BMP2K: variants seen among roughly 807,000 people sequenced by gnomAD.
BMP2K encodes the protein BMP2 inducible kinase.
Under a neutral mutation model 116.0 loss-of-function variants are expected in BMP2K, and 74 were observed. The observed-to-expected ratio is 0.64, with a 90% CI of 0.53 to 0.77. The LOEUF (loss-of-function observed/expected upper bound fraction) is 0.77, where lower values mean the gene tolerates loss of function less well. Ranked by LOEUF, BMP2K falls within the 30% of genes least tolerant of loss-of-function variation. BMP2K has a pLI of 0.00. For missense variants in BMP2K, 1,365 were observed against 1,403.6 expected, an observed-to-expected ratio of 0.97 and a Z score of 0.44; for synonymous variants, 486 against 502.5, an observed-to-expected ratio of 0.97 and a Z score of 0.44.
intron 4 of BMP2K, among the ~76,000 whole-genome samples, chr4:78,843,781 G>T (rs1028453580): frequency 6.6e-6 from 1 of 151,040 alleles, no homozygotes; most frequent in African/African-American, 2.4e-5. Flanking sequence ...ACCATTTTTT[G>T]TGCTATTATA....
At chr4:78,910,584 G>C (rs1196390942) in intron 15 of BMP2K, 26 bp from the exon 16 acceptor site, 1 of 1,462,220 alleles carries the variant, frequency 6.8e-7, no homozygotes, top group African/African-American at 1.4e-5. Context: ...TTGGAATGCT[G>C]TAATAATATT....
At position 78,911,467 on chromosome 4, in the gene BMP2K, A is replaced by G. The variant is rs774071647; in HGVS notation, c.2920A>G (p.Ser974Gly). The part of the protein sequence containing the change: ...GSQQQKVKQR[S>G]LQKLSSRQRR... ...CCAGCAGCAAAAAGTCAAACAGCGC[A>G]GCTTACAGAAACTGTCCTCTCGCCA... The change falls in exon 16 of 16, where the codon AGC becomes GGC. Residue 974 changes from serine to glycine, a missense_variant. Coordinates refer to ENST00000502613, the MANE Select transcript of BMP2K (RefSeq NM_198892.2). 6.2e-7 allele frequency: 1 copy of G among 1,614,060 alleles called. No homozygotes were observed. Among genetic ancestry groups the G allele is most frequent in the East Asian group, 2.2e-5 (1 of 44,882 alleles).
chr4:78,886,597 T>G (rs2110074007), intron 14 of BMP2K, among the ~76,000 whole-genome samples: 1 of 152,262 alleles, frequency 6.6e-6, no homozygotes, highest in South Asian at 2.1e-4. Flanking sequence ...ACTTGTTGAA[T>G]GAATCAATAA....
In BMP2K at chr4:78,842,392, G is replaced by A. The variant is rs1730802379; in HGVS notation, c.411G>A (p.Gln137=). The A allele has an allele frequency of 6.3e-7, 1 of 1,594,140 alleles. No homozygotes were observed. Among genetic ancestry groups the A allele is most frequent in the African/African-American group, 1.3e-5 (1 of 74,776 alleles). The part of the protein sequence containing the change: ...LILMEYCRAG[Q]VVNQMNKKLQ... Reference sequence around the variant, plus strand: ...AATTACTTTTTTGGTTAGCTGGACAGGTAGTGAATCAAATGAATAAGAAGC... The same window carrying A: ...AATTACTTTTTTGGTTAGCTGGACAAGTAGTGAATCAAATGAATAAGAAGC... The change falls in exon 4 of 16, where the codon CAG becomes CAA. Residue 137 remains glutamine, a synonymous_variant. Coordinates refer to ENST00000502613, the MANE Select transcript of BMP2K (RefSeq NM_198892.2).
At chr4:78,814,590 G>T (rs1366649730) in intron 1 of BMP2K, among the ~76,000 whole-genome samples, 1 of 151,992 alleles carries the variant, frequency 6.6e-6, no homozygotes, top group Admixed American at 6.6e-5. Flanking sequence ...ACTTCTGCTT[G>T]CTGCTGCCAT....
At chr4:78,852,447 C>A (rs1294381841) in intron 7 of BMP2K, among the ~76,000 whole-genome samples, 1 of 151,950 alleles carries the variant, frequency 6.6e-6, no homozygotes, top group Admixed American at 6.6e-5. Flanking sequence ...TTACAATATT[C>A]CTAGTATTTT....
At chr4:78,902,795 G>T (rs554362472) in intron 15 of BMP2K, among the ~76,000 whole-genome samples, 1 of 152,190 alleles carries the variant, frequency 6.6e-6, no homozygotes, top group African/African-American at 2.4e-5. Context: ...AATATGCATA[G>T]TATGATGCAA....
intron 13 of BMP2K, among the ~76,000 whole-genome samples, chr4:78,876,115 C>G (rs539268470): frequency 6.6e-6 from 1 of 152,308 alleles, no homozygotes; most frequent in Admixed American, 6.5e-5. Context: ...GAGTTACAGT[C>G]TGCCAATAGG....
chr4:78,868,921 T>G (rs111619566), intron 10 of BMP2K, among the ~76,000 whole-genome samples: 15,334 of 152,120 alleles, frequency 0.1, 2,521 homozygotes, highest in African/African-American at 0.35. Flanking sequence ...TATCAGCAGC[T>G]TTTTCAGGCG....
Position 78,826,240 on chromosome 4 carries a change from C to T in BMP2K, c.297+85C>T, listed in dbSNP as rs189289054. ...TGGGATGGAGTGCAGTGGAGTGGCA[C>T]GCCCAGGCTGGAGCGCAGTGGCGTG... is the stretch of plus-strand genomic sequence containing the variant. On this transcript the variant is annotated intron_variant, in intron 2 of 15. Coordinates refer to ENST00000502613, the MANE Select transcript of BMP2K (RefSeq NM_198892.2). The T allele has an allele frequency of 4.2e-5, 44 of 1,050,370 alleles. No individual in the cohort carries two copies. In the African/African-American group the frequency reaches 5.2e-4, roughly 12 times the overall value. The allele number at this position is 1,050,370 out of a possible 1,614,324, so 65.1% of individuals were successfully genotyped here.
intron 1 of BMP2K, among the ~76,000 whole-genome samples, chr4:78,778,204 T>C (rs965046659): frequency 6.6e-6 from 1 of 152,226 alleles, no homozygotes; most frequent in African/African-American, 2.4e-5. Flanking sequence ...AGATGGGTCT[T>C]TTATTTAATA....
chr4:78,886,238 C>T (rs1468564723), intron 14 of BMP2K, among the ~76,000 whole-genome samples: 1 of 152,238 alleles, frequency 6.6e-6, no homozygotes, highest in East Asian at 1.9e-4. Context: ...ACACACCGGG[C>T]CTCTTGCCTT....
chr4:78,856,639 C>A (rs1156265102), intron 7 of BMP2K, among the ~76,000 whole-genome samples: 1 of 151,770 alleles, frequency 6.6e-6, no homozygotes, highest in African/African-American at 2.4e-5. Context: ...GAATTTAGAA[C>A]CAAGTCAGAG....
In BMP2K at chr4:78,857,257, A is replaced by C. The variant is rs115025616; in HGVS notation, c.884-2327A>C. On this transcript the variant is annotated intron_variant, in intron 7 of 15. Coordinates refer to ENST00000502613, the MANE Select transcript of BMP2K (RefSeq NM_198892.2). ...AGTTGATTTTATGTCACATAAATGGAATCAGTACAGTTAGACTAAACTGGC... is the reference window on the plus strand; with the variant it reads ...AGTTGATTTTATGTCACATAAATGGCATCAGTACAGTTAGACTAAACTGGC... Among the ~76,000 whole-genome samples the C allele has an allele frequency of 3.3e-3, 509 of 152,234 alleles. 1 individual carries two copies. The highest frequency in any genetic ancestry group is 6.0e-3 in the Non-Finnish European group (407 of 68,006).
At chr4:78,802,507 G>T (rs1327264892) in intron 1 of BMP2K, among the ~76,000 whole-genome samples, 10 of 152,170 alleles carry the variant, frequency 6.6e-5, no homozygotes, top group Non-Finnish European at 1.5e-4. Context: ...ACCTAAATAA[G>T]AAATTATTTT....
intron 1 of BMP2K, among the ~76,000 whole-genome samples, chr4:78,808,634 T>TGTTAA (rs908322351): frequency 2.0e-5 from 3 of 152,190 alleles, no homozygotes; most frequent in African/African-American, 7.2e-5. Context: ...AACTGCATTT[T>TGTTAA]GTTAAGTTTT....
At chr4:78,882,976 A>G (rs1459749495) in intron 14 of BMP2K, among the ~76,000 whole-genome samples, 1 of 152,080 alleles carries the variant, frequency 6.6e-6, no homozygotes, top group Admixed American at 6.6e-5. Flanking sequence ...GGAGTTTTTC[A>G]TTAACCTTTT....
intron 1 of BMP2K, among the ~76,000 whole-genome samples, chr4:78,789,786 G>A (rs1319382697): frequency 2.0e-5 from 3 of 152,192 alleles, no homozygotes; most frequent in East Asian, 1.9e-4. Flanking sequence ...AGTATGTAGC[G>A]TAAAGGTGCA....
At chr4:78,784,977 A>G (rs925282310) in intron 1 of BMP2K, among the ~76,000 whole-genome samples, 5 of 152,238 alleles carry the variant, frequency 3.3e-5, no homozygotes, top group Non-Finnish European at 7.3e-5. Context: ...AGGAATAGCA[A>G]TGAACAATTT....
Sources: gnomAD v4.1 joint callset for allele counts (sites outside exome capture counted in the v4.1 genomes callset) on GRCh38, gnomAD v4.1.1 for gene constraint, MANE v1.5 for transcripts, NCBI Gene and HGNC (gene_info 2026-07-23, HGNC 2026-07-21) for gene names.